The following CALN1 variants were observed in gnomAD, a reference collection of about 807,000 sequenced individuals.
CALN1 encodes calneuron 1.
In CALN1, 17 loss-of-function variants were observed where a neutral mutation model predicts 30.6. The observed-to-expected ratio is 0.56, with a 90% CI of 0.38 to 0.83. CALN1 has a LOEUF of 0.83. Ranked by LOEUF, CALN1 falls within the 40% of genes least tolerant of loss-of-function variation. The pLI is 0.00. For synonymous variants in CALN1, 156 were observed against 131.4 expected, an observed-to-expected ratio of 1.19 and a Z score of -1.28; for missense variants, 291 against 354.9, an observed-to-expected ratio of 0.82 and a Z score of 1.45.
rs1792965036 is a variant in CALN1 at position 71,785,998 on chromosome 7, T to C, written c.*1777A>G. 6.5e-6 allele frequency: 1 copy of C among 152,678 alleles called. No homozygotes were observed. The highest frequency in any genetic ancestry group is 1.5e-5 in the Non-Finnish European group (1 of 68,064). 9.5% of individuals were successfully genotyped at this position (152,678 alleles called of 1,614,324 possible). ...CCATATTATGGCTGAAGCCTTAGTT[T>C]TACTTGTGCTCATCAGGAATATTCA... On this transcript the variant is annotated 3_prime_UTR_variant, in exon 7 of 7. Transcript: ENST00000395275.
At chr7:72,131,314 T>G (rs1238755909) in intron 3 of CALN1, among the ~76,000 whole-genome samples, 1 of 152,186 alleles carries the variant, frequency 6.6e-6, no homozygotes, top group African/African-American at 2.4e-5. Flanking sequence ...GCTATGGTGA[T>G]GATTCTGTTT....
intron 3 of CALN1, among the ~76,000 whole-genome samples, chr7:72,170,988 T>C (rs757448347): frequency 6.6e-5 from 10 of 151,978 alleles, no homozygotes; most frequent in Non-Finnish European, 1.5e-4. Context: ...CAAGACTCTG[T>C]GTTACAAAAT....
At chr7:72,150,486 T>A (rs1015636200) in intron 3 of CALN1, among the ~76,000 whole-genome samples, 3 of 152,126 alleles carry the variant, frequency 2.0e-5, no homozygotes, top group Non-Finnish European at 4.4e-5. Context: ...TGTGCTGAGA[T>A]GACCGGGAGG....
chr7:72,149,821 T>C (rs947037684), intron 3 of CALN1, among the ~76,000 whole-genome samples: 1 of 151,780 alleles, frequency 6.6e-6, no homozygotes, highest in Non-Finnish European at 1.5e-5. Flanking sequence ...GCTATAGGAG[T>C]TACCAGGACA....
chr7:72,235,819 T>C (rs1794440631), intron 3 of CALN1, among the ~76,000 whole-genome samples: 2 of 152,086 alleles, frequency 1.3e-5, no homozygotes, highest in African/African-American at 4.8e-5. Context: ...GTCCCTTTGG[T>C]TCTTGCCCAC....
At chr7:72,328,916 T>G (rs1337691753) in intron 2 of CALN1, among the ~76,000 whole-genome samples, 2 of 152,240 alleles carry the variant, frequency 1.3e-5, no homozygotes, top group African/African-American at 4.8e-5. Flanking sequence ...AGGCTGGTCT[T>G]GAACTCCTGA....
chr7:72,291,527 A>T (rs942475982), intron 2 of CALN1, among the ~76,000 whole-genome samples: 20 of 152,216 alleles, frequency 1.3e-4, no homozygotes, highest in African/African-American at 4.3e-4. Flanking sequence ...CAGGCAGTGT[A>T]CATTTGGACT....
chr7:72,271,575 A>AAAAAAATATATATATATATATATAT lies in CALN1; in HGVS notation c.244+7110_244+7111insATATATATATATATATATATTTTTT. ...CTGTGCCTGCCTTTTAAAAAAAAAA[A>AAAAAAATATATATATATATATATAT]ATATATATATATATATATAGTTTTC... On this transcript the variant is annotated intron_variant, in intron 3 of 6. Coordinates refer to ENST00000395275, the MANE Select transcript of CALN1 (RefSeq NM_031468.4). 1.0e-3 allele frequency among the ~76,000 whole-genome samples: 54 copies of AAAAAAATATATATATATATATATAT among 52,110 alleles called. 3 individuals carry two copies. Among genetic ancestry groups the AAAAAAATATATATATATATATATAT allele is most frequent in the African/African-American group, 1.7e-3 (13 of 7,444 alleles). The allele number at this position is 52,110 out of a possible 152,430, so 34.2% of individuals were successfully genotyped here.
Position 72,136,965 on chromosome 7 carries a change from AAG to A in CALN1, c.245-30673_245-30672del, listed in dbSNP as rs368022010. ...CTGATCACGATGTAAGAATTAAAGAAAGAGGAAAGAAACATGAAATGTGGCTC... is the reference window on the plus strand; with the variant it reads ...CTGATCACGATGTAAGAATTAAAGAAAGGAAAGAAACATGAAATGTGGCTC... On this transcript the variant is annotated intron_variant, in intron 3 of 6. Transcript: ENST00000395275. Among the ~76,000 whole-genome samples, 27 of 152,044 alleles carry A rather than the reference AAG, an allele frequency of 1.8e-4. No homozygotes were observed. The South Asian group carries it at 5.0e-3, about 28-fold the overall frequency.
At chr7:72,443,458 C>T (rs1808423039) in intron 1 of CALN1, among the ~76,000 whole-genome samples, 1 of 152,210 alleles carries the variant, frequency 6.6e-6, no homozygotes, top group Non-Finnish European at 1.5e-5. Context: ...CCTGTCTCCT[C>T]TCCGGCTTCT....
chr7:72,280,262 C>G (rs1797647626), intron 2 of CALN1, among the ~76,000 whole-genome samples: 1 of 152,188 alleles, frequency 6.6e-6, no homozygotes, highest in Non-Finnish European at 1.5e-5. Flanking sequence ...TGCTCGGGGC[C>G]CCAAAAAGTA....
intron 4 of CALN1, among the ~76,000 whole-genome samples, chr7:72,045,917 C>A (rs1011043309): frequency 1.3e-5 from 2 of 148,284 alleles, no homozygotes; most frequent in African/African-American, 5.0e-5. Context: ...AAGAATCACT[C>A]GAACCTGGGA....
intron 5 of CALN1, among the ~76,000 whole-genome samples, chr7:71,994,130 A>G (rs984146437): frequency 6.6e-6 from 1 of 152,298 alleles, no homozygotes; most frequent in African/African-American, 2.4e-5. Flanking sequence ...ATTTTTAAAA[A>G]TTTTATGAGA....
chr7:72,495,429 T>C, the CALN1 span, among the ~76,000 whole-genome samples: 1 of 152,166 alleles, frequency 6.6e-6, no homozygotes, highest in African/African-American at 2.4e-5. Context: ...AAATATTGAT[T>C]GAGACCTACT....
intron 4 of CALN1, among the ~76,000 whole-genome samples, chr7:72,087,430 G>A (rs946014277): frequency 7.2e-5 from 11 of 152,122 alleles, no homozygotes; most frequent in African/African-American, 2.7e-4. Context: ...TACTTGGGAG[G>A]CTGAGGCAGC....
chr7:72,451,752 C>T (rs1012504123), upstream of CALN1, among the ~76,000 whole-genome samples: 4 of 152,122 alleles, frequency 2.6e-5, no homozygotes, highest in African/African-American at 9.7e-5. Flanking sequence ...TTATTCCTGG[C>T]ACATCCTTGT....
chr7:71,984,195 G>C (rs1001813603), intron 5 of CALN1, among the ~76,000 whole-genome samples: 2 of 152,184 alleles, frequency 1.3e-5, no homozygotes, highest in Middle Eastern at 6.3e-3. Flanking sequence ...TTGCATAGTG[G>C]AGGGTGGAAG....
chr7:72,287,435 A>ATTTTTTTT lies in CALN1; in HGVS notation c.120-8633_120-8626dup, dbSNP rs71069052. ...AAATCCATACACATACACCAAATTA[A>ATTTTTTTT]TTTTTTTTTTTTTTTTTTTTTTTTT... On this transcript the variant is annotated intron_variant, in intron 2 of 6. Coordinates refer to ENST00000395275, the MANE Select transcript of CALN1 (RefSeq NM_031468.4). Among the ~76,000 whole-genome samples the ATTTTTTTT allele has an allele frequency of 3.5e-4, 24 of 68,090 alleles. 1 individual carries two copies. The highest frequency in any genetic ancestry group is 1.1e-3 in the African/African-American group (19 of 16,656). The allele number at this position is 68,090 out of a possible 152,430, so 44.7% of individuals were successfully genotyped here.
At chr7:72,081,109 T>G (rs934283637) in intron 4 of CALN1, among the ~76,000 whole-genome samples, 2 of 152,146 alleles carry the variant, frequency 1.3e-5, no homozygotes, top group Non-Finnish European at 2.9e-5. Flanking sequence ...ATTTAAGGAC[T>G]GATGTACAGC....
Sources: gnomAD v4.1 joint callset for allele counts (sites outside exome capture counted in the v4.1 genomes callset) on GRCh38, gnomAD v4.1.1 for gene constraint, MANE v1.5 for transcripts, NCBI Gene and HGNC (gene_info 2026-07-23, HGNC 2026-07-21) for gene names.